TRAPPC8: variants seen among roughly 807,000 people sequenced by gnomAD.
TRAPPC8 encodes trafficking protein particle complex subunit 8.
In TRAPPC8, 54 loss-of-function variants were observed where a neutral mutation model predicts 174.3. The ratio of observed to expected loss-of-function variants is 0.31; its 90% confidence interval spans 0.25 to 0.39. The LOEUF is 0.39. TRAPPC8 is among the 10% of genes least tolerant of loss of function. The pLI is 1.00. For missense variants in TRAPPC8, 1,531 were observed against 1,699.1 expected (o/e 0.90, Z 1.74); for synonymous variants, 630 against 579.9 (o/e 1.09, Z -1.24).
intron 4 of TRAPPC8, among the ~76,000 whole-genome samples, chr18:31,914,661 G>A (rs1455444490): frequency 6.6e-6 from 1 of 152,084 alleles, no homozygotes. Flanking sequence ...GGACAAGGCG[G>A]GTAATGATTA....
At chr18:31,896,910 C>T (rs1269971174) in intron 11 of TRAPPC8, among the ~76,000 whole-genome samples, 1 of 152,138 alleles carries the variant, frequency 6.6e-6, no homozygotes, top group Non-Finnish European at 1.5e-5. Context: ...AGGCATGAGC[C>T]ATCATGCCTG....
intron 18 of TRAPPC8, 78 bp downstream of exon 18, chr18:31,866,771 A>T: frequency 6.6e-7 from 1 of 1,505,412 alleles, no homozygotes; most frequent in Non-Finnish European, 9.0e-7. Context: ...TTTAGAAAAT[A>T]CATCATTTTT....
chr18:31,943,075 C>T lies in TRAPPC8; in HGVS notation c.-311G>A, dbSNP rs145632386. The T allele has an allele frequency of 2.4e-4, 104 of 438,516 alleles. No individual in the cohort carries two copies. In the East Asian group the frequency reaches 3.6e-3, roughly 15 times the overall value. The allele number at this position is 438,516 out of a possible 1,614,324, so 27.2% of individuals were successfully genotyped here. ...CGGACGGCAAAACCTTGGTCACTGC[C>T]CGGCCGGAACCGCCATGTTGAGGCC... On this transcript the variant is annotated 5_prime_UTR_variant, in exon 1 of 29. Coordinates refer to ENST00000283351, the MANE Select transcript of TRAPPC8 (RefSeq NM_014939.5).
intron 26 of TRAPPC8, among the ~76,000 whole-genome samples, chr18:31,840,374 AGAGG>A (rs374043191): frequency 2.8e-5 from 4 of 140,546 alleles, no homozygotes; most frequent in African/African-American, 1.0e-4. Flanking sequence ...ATAGAGAGAC[AGAGG>A]GAGGGAGGGA....
chr18:31,851,754 A>C (rs1467028371), intron 24 of TRAPPC8, among the ~76,000 whole-genome samples: 1 of 152,104 alleles, frequency 6.6e-6, no homozygotes, highest in Non-Finnish European at 1.5e-5. Flanking sequence ...CTACCTTATT[A>C]TCTGGGTCTC....
At chr18:31,884,758 G>A (rs2035620935) in intron 12 of TRAPPC8, among the ~76,000 whole-genome samples, 1 of 152,072 alleles carries the variant, frequency 6.6e-6, no homozygotes. Context: ...TGCAATCCCA[G>A]CACTTTGGGG....
intron 19 of TRAPPC8, 108 bp from the exon 20 acceptor site, chr18:31,858,090 GTTTCA>G: frequency 1.1e-6 from 1 of 917,214 alleles, no homozygotes; most frequent in East Asian, 2.6e-5. Context: ...GTTTACAAGT[GTTTCA>G]TTAATTCTTT....
intron 1 of TRAPPC8, among the ~76,000 whole-genome samples, chr18:31,933,049 C>T (rs1295070665): frequency 7.1e-6 from 1 of 141,230 alleles, no homozygotes; most frequent in Non-Finnish European, 1.5e-5. Context: ...CACCTGTAAT[C>T]CCAGCACTTT....
intron 8 of TRAPPC8, among the ~76,000 whole-genome samples, chr18:31,907,822 G>C (rs2036730992): frequency 6.6e-6 from 1 of 152,134 alleles, no homozygotes; most frequent in South Asian, 2.1e-4. Flanking sequence ...GAGAATGTCT[G>C]AATGGCAGGC....
rs768147101 is a variant in TRAPPC8, at chr18:31,943,055, G to A, written c.-291C>T. 9.8e-6 allele frequency: 5 copies of A among 508,672 alleles called. No individual in the cohort carries two copies. The highest frequency in any genetic ancestry group is 1.5e-5 in the Non-Finnish European group (5 of 325,324). The allele number at this position is 508,672 out of a possible 1,614,324, so 31.5% of individuals were successfully genotyped here. On this transcript the variant is annotated 5_prime_UTR_variant, in exon 1 of 29. Coordinates refer to ENST00000283351, the MANE Select transcript of TRAPPC8 (RefSeq NM_014939.5). ...ACAGTCACCACTTAGTCCTTCGGAC[G>A]GCAAAACCTTGGTCACTGCCCGGCC... is the stretch of plus-strand genomic sequence containing the variant.
chr18:31,874,768 TACAA>T (rs1384132338), intron 12 of TRAPPC8, 64 bp from the exon 13 acceptor site: 13 of 1,363,650 alleles, frequency 9.5e-6, no homozygotes, highest in South Asian at 4.0e-5. Flanking sequence ...AAAAAACAAA[TACAA>T]ACACACACAT....
rs1393576439 is a variant in TRAPPC8 at position 31,931,473 on chromosome 18, T to C, written c.208A>G (p.Ile70Val). The change falls in exon 2 of 29, where the codon ATA becomes GTA. Residue 70 changes from isoleucine (I) to valine (V), a missense_variant. Transcript: ENST00000283351. ...NQLHVIKNLK[I>V]AVSNIVTQPP... ...TGGGTGACAATGTTGCTTACTGCTA[T>C]CTTCAAATTTTTAATTACGTGAAGT... 1 of 1,607,794 alleles carries C rather than the reference T, an allele frequency of 6.2e-7. No individual in the cohort carries two copies. Among genetic ancestry groups the C allele is most frequent in the Non-Finnish European group, 8.5e-7 (1 of 1,177,872 alleles).
chr18:31,893,178 A>G (rs2036034051), intron 11 of TRAPPC8, among the ~76,000 whole-genome samples: 1 of 152,104 alleles, frequency 6.6e-6, no homozygotes, highest in Non-Finnish European at 1.5e-5. Flanking sequence ...TCTGCTTTGT[A>G]AGAGCCCTTG....
intron 6 of TRAPPC8, among the ~76,000 whole-genome samples, 165 bp from the exon 7 acceptor site, chr18:31,909,175 A>G (rs1268003614): frequency 1.3e-5 from 2 of 152,092 alleles, no homozygotes; most frequent in Admixed American, 6.5e-5. Flanking sequence ...CCCAGCCCCA[A>G]AATTAATGAG....
intron 2 of TRAPPC8, among the ~76,000 whole-genome samples, chr18:31,918,882 A>C (rs1260095307): frequency 6.6e-6 from 1 of 152,196 alleles, no homozygotes; most frequent in Non-Finnish European, 1.5e-5. Context: ...CAGATTATCT[A>C]TATCACAGTT....
intron 9 of TRAPPC8, among the ~76,000 whole-genome samples, chr18:31,906,945 G>C (rs1248804440): frequency 2.0e-5 from 3 of 151,936 alleles, no homozygotes; most frequent in Admixed American, 2.0e-4. Context: ...GATGTATGAA[G>C]TCATACATCA....
chr18:31,847,838 A>C (rs911752407), intron 25 of TRAPPC8, among the ~76,000 whole-genome samples: 6 of 152,186 alleles, frequency 3.9e-5, no homozygotes, highest in African/African-American at 1.4e-4. Flanking sequence ...TCTATAATGC[A>C]TCCTCCTGCT....
At chr18:31,909,348 A>T (rs569514227) in intron 6 of TRAPPC8, among the ~76,000 whole-genome samples, 2 of 152,108 alleles carry the variant, frequency 1.3e-5, no homozygotes, top group Non-Finnish European at 2.9e-5. Flanking sequence ...TGTTATCATT[A>T]CAAAAATCAT....
At chr18:31,881,216 CA>C (rs2035435546) in intron 12 of TRAPPC8, among the ~76,000 whole-genome samples, 1 of 152,062 alleles carries the variant, frequency 6.6e-6, no homozygotes, top group South Asian at 2.1e-4. Flanking sequence ...AAGCCCGAGG[CA>C]TCACATTCCC....
Sources: gnomAD v4.1 joint callset for allele counts (sites outside exome capture counted in the v4.1 genomes callset) on GRCh38, gnomAD v4.1.1 for gene constraint, MANE v1.5 for transcripts, NCBI Gene and HGNC (gene_info 2026-07-23, HGNC 2026-07-21) for gene names.